The following NPFFR2 variants were observed in gnomAD, a reference collection of about 807,000 sequenced individuals.
NPFFR2 encodes the protein neuropeptide FF receptor 2.
Under a neutral mutation model 13.1 loss-of-function variants are expected in NPFFR2, and 15 were observed. The ratio of observed to expected loss-of-function variants is 1.15; its 90% confidence interval spans 0.77 to 1.76. The LOEUF (loss-of-function observed/expected upper bound fraction) is 1.76. NPFFR2 is among the 40% of genes most tolerant of loss of function. NPFFR2 has a pLI of 0.00. For missense variants in NPFFR2, 572 were observed against 503.5 expected (o/e 1.14, Z -1.30); for synonymous variants, 190 against 175.7 (o/e 1.08, Z -0.65).
At chr4:72,097,812 G>A (rs1721113480) in intron 1 of NPFFR2, among the ~76,000 whole-genome samples, 1 of 152,178 alleles carries the variant, frequency 6.6e-6, no homozygotes, top group Non-Finnish European at 1.5e-5. Flanking sequence ...ACACAAGTGG[G>A]AAGAGTGTTT....
At chr4:72,128,361 A>C (rs1233721087) in intron 1 of NPFFR2, among the ~76,000 whole-genome samples, 1 of 152,190 alleles carries the variant, frequency 6.6e-6, no homozygotes, top group Admixed American at 6.5e-5. Context: ...AATAATAACC[A>C]TTACTTATGG....
At chr4:72,069,581 G>A (rs1278460210) in intron 1 of NPFFR2, among the ~76,000 whole-genome samples, 1 of 152,066 alleles carries the variant, frequency 6.6e-6, no homozygotes, top group African/African-American at 2.4e-5. Context: ...TAGTCAACAT[G>A]AAAGTTTTAA....
Position 72,147,290 on chromosome 4 carries a change from CA to C in NPFFR2, c.742del (p.Arg248GlyfsTer30), listed in dbSNP as rs752091980. The C allele has an allele frequency of 2.1e-4, 341 of 1,614,016 alleles. No individual in the cohort carries two copies. Among genetic ancestry groups the C allele is most frequent in the Middle Eastern group, 4.9e-4 (3 of 6,084 alleles). The part of the protein sequence containing the change: ...MYGRIGISLF[R>X]AAVPHTGRKN... ...ATGGAAGGATTGGAATTTCACTCTT[CA>C]GGGCTGCAGTTCCTCACACAGGCAG... is the stretch of plus-strand genomic sequence containing the variant. On this transcript the variant is annotated frameshift_variant, in exon 4 of 4. Transcript: ENST00000308744. LOFTEE classifies it low-confidence loss of function (END_TRUNC).
At chr4:72,059,404 C>T (rs911398286) in intron 1 of NPFFR2, among the ~76,000 whole-genome samples, 2 of 152,092 alleles carry the variant, frequency 1.3e-5, no homozygotes, top group Non-Finnish European at 2.9e-5. Flanking sequence ...AGACTAAGAG[C>T]TGCACACCAG....
Position 72,032,016 on chromosome 4 carries a change from C to T in NPFFR2, c.-192C>T. The T allele has an allele frequency of 1.2e-6, 2 of 1,613,734 alleles. No homozygotes were observed. Among genetic ancestry groups the T allele is most frequent in the Non-Finnish European group, 1.7e-6 (2 of 1,179,854 alleles). On this transcript the variant is annotated 5_prime_UTR_variant, in exon 1 of 4. Transcript: ENST00000308744. ...GCGCAGAGCACTCAGCGTCCAGCAG[C>T]GCGGCGGGCCAGCCTGGAGCGGAAG...
chr4:72,138,309 C>T (rs551768611), intron 3 of NPFFR2, among the ~76,000 whole-genome samples, 170 bp downstream of exon 3: 3 of 152,242 alleles, frequency 2.0e-5, no homozygotes, highest in East Asian at 1.9e-4. Context: ...ATGTGCACAA[C>T]GTGCAGGTTT....
chr4:72,063,432 G>T (rs1326743500), intron 1 of NPFFR2, among the ~76,000 whole-genome samples: 1 of 152,164 alleles, frequency 6.6e-6, no homozygotes, highest in Admixed American at 6.6e-5. Context: ...ATGTTGTGCA[G>T]CAGGGAAGTC....
chr4:72,046,773 G>A (rs553165921), intron 1 of NPFFR2, among the ~76,000 whole-genome samples: 12 of 152,274 alleles, frequency 7.9e-5, no homozygotes, highest in African/African-American at 2.6e-4. Flanking sequence ...AACAAGAGGA[G>A]AGCTGTAGGG....
In NPFFR2 at chr4:72,148,172, G is replaced by A. The variant is rs1027672739; in HGVS notation, c.*360G>A. The A allele has an allele frequency of 1.2e-5, 2 of 173,118 alleles. No individual in the cohort carries two copies. The highest frequency in any genetic ancestry group is 6.2e-5 in the Admixed American group (1 of 16,116). The allele number at this position is 173,118 out of a possible 1,614,324, so 10.7% of individuals were successfully genotyped here. A position where few individuals can be genotyped will look rare whatever the true frequency, so the allele number is the denominator to read the frequency against. On this transcript the variant is annotated 3_prime_UTR_variant, in exon 4 of 4. Coordinates refer to ENST00000308744, the MANE Select transcript of NPFFR2 (RefSeq NM_004885.3). Reference sequence around the variant, plus strand: ...TCCCCAAATGGTGATGATGAGCAGTGCTTTGCATGAAACTAGATTTTATCA... The same window carrying A: ...TCCCCAAATGGTGATGATGAGCAGTACTTTGCATGAAACTAGATTTTATCA...
Position 72,138,099 on chromosome 4 carries a change from G to C in NPFFR2, c.388G>C (p.Ala130Pro). 6.2e-7 allele frequency: 1 copy of C among 1,613,648 alleles called. No homozygotes were observed. The highest frequency in any genetic ancestry group is 1.3e-5 in the African/African-American group (1 of 75,014). ...ISGLVQGISV[A>P]ASVFTLVAIA... ...TGGATTGGTCCAGGGAATATCTGTC[G>C]CAGCTTCAGTCTTTACGTTAGTTGC... The change falls in exon 3 of 4, where the codon GCA becomes CCA. Residue 130 changes from alanine (A) to proline (P), a missense_variant. Coordinates refer to ENST00000308744, the MANE Select transcript of NPFFR2 (RefSeq NM_004885.3).
At chr4:72,139,456 C>T (rs1312846383) in intron 3 of NPFFR2, among the ~76,000 whole-genome samples, 2 of 152,142 alleles carry the variant, frequency 1.3e-5, no homozygotes, top group African/African-American at 4.8e-5. Flanking sequence ...GGAAAGGATC[C>T]AGTTTCAGCT....
In NPFFR2 at chr4:72,142,182, C is replaced by T. The variant is rs747429930; in HGVS notation, c.428+4043C>T. Among the ~76,000 whole-genome samples the T allele has an allele frequency of 5.3e-5, 8 of 152,252 alleles. No homozygotes were observed. The East Asian group carries it at 1.4e-3, about 26-fold the overall frequency. ...GCATGTGAGATGGGTCTCCTGAATA[C>T]GGCACAGTGATGGGTCTTGACTCTA... On this transcript the variant is annotated intron_variant, in intron 3 of 3. Transcript: ENST00000308744.
intron 3 of NPFFR2, among the ~76,000 whole-genome samples, chr4:72,145,331 T>C (rs1722742055): frequency 6.7e-6 from 1 of 150,102 alleles, no homozygotes; most frequent in South Asian, 2.1e-4. Context: ...AATACATATA[T>C]GTACAGATAA....
chr4:72,103,579 G>A (rs1225589687), intron 1 of NPFFR2, among the ~76,000 whole-genome samples: 1 of 152,122 alleles, frequency 6.6e-6, no homozygotes, highest in East Asian at 1.9e-4. Context: ...ACTAATTCTT[G>A]AAGATTAGAG....
Position 72,146,970 on chromosome 4 carries a change from A to T in NPFFR2, c.429-8A>T. ...CAGTGCCTCATTTATATTTGTGTTTAATTGCAGGTTCCAGTGTGTGGTCTA... is the reference window on the plus strand; with the variant it reads ...CAGTGCCTCATTTATATTTGTGTTTTATTGCAGGTTCCAGTGTGTGGTCTA... On this transcript the variant is annotated splice_polypyrimidine_tract_variant and splice_region_variant and intron_variant, in intron 3 of 3. Coordinates refer to ENST00000308744, the MANE Select transcript of NPFFR2 (RefSeq NM_004885.3). 1 of 1,581,054 alleles carries T rather than the reference A, an allele frequency of 6.3e-7. No individual in the cohort carries two copies. The highest frequency in any genetic ancestry group is 8.7e-7 in the Non-Finnish European group (1 of 1,155,550).
intron 1 of NPFFR2, among the ~76,000 whole-genome samples, chr4:72,057,701 T>A (rs868865097): frequency 1.3e-5 from 2 of 151,896 alleles, no homozygotes; most frequent in Non-Finnish European, 2.9e-5. Context: ...CACAAACCAA[T>A]GCACAACAGT....
rs78809965 is a variant in NPFFR2 at position 72,118,000 on chromosome 4, A to G, written c.-7-10585A>G. Among the ~76,000 whole-genome samples the G allele has an allele frequency of 2.9e-3, 448 of 152,284 alleles. 3 individuals are homozygous for G. The highest frequency in any genetic ancestry group is 9.8e-3 in the African/African-American group (407 of 41,560). ...AATGGTTTTAAAGCCAAAAGGGAGG[A>G]AGAAAGGAAAAAAGGAAGGAAGGGG... On this transcript the variant is annotated intron_variant, in intron 1 of 3. Transcript: ENST00000308744.
chr4:72,116,722 C>T lies in NPFFR2; in HGVS notation c.-7-11863C>T, dbSNP rs537301842. ...AGTCATTTAATTAATGGGCTTATTT[C>T]TTTTATGGGCATTCGTTTGATTAAA... On this transcript the variant is annotated intron_variant, in intron 1 of 3. Transcript: ENST00000308744. Among the ~76,000 whole-genome samples, 7 of 152,184 alleles carry T rather than the reference C, an allele frequency of 4.6e-5. No homozygotes were observed. In the East Asian group the frequency reaches 1.3e-3, roughly 29 times the overall value.
chr4:72,136,640 T>C (rs942880681), intron 2 of NPFFR2, among the ~76,000 whole-genome samples: 3 of 151,936 alleles, frequency 2.0e-5, no homozygotes, highest in Non-Finnish European at 2.9e-5. Flanking sequence ...GCCGTAGGAA[T>C]GTAGGGCTGG....
Sources: allele counts gnomAD v4.1 joint callset (sites outside exome capture counted in the v4.1 genomes callset), GRCh38; gene constraint gnomAD v4.1.1; transcripts MANE v1.5; gene names NCBI Gene and HGNC (gene_info 2026-07-23, HGNC 2026-07-21).